Variants in SLK observed in about 807,000 individuals in gnomAD.
The protein encoded by SLK is STE20 like kinase.
In SLK, 67 loss-of-function variants were observed where a neutral mutation model predicts 147.7. The observed-to-expected ratio is 0.45, with a 90% CI of 0.37 to 0.56. The LOEUF (loss-of-function observed/expected upper bound fraction) is 0.56. Ranked by LOEUF, SLK falls within the 20% of genes least tolerant of loss-of-function variation. The pLI is 0.00. For missense variants in SLK, 1,136 were observed against 1,438.8 expected, an observed-to-expected ratio of 0.79 and a Z score of 3.41; for synonymous variants, 441 against 475.0, an observed-to-expected ratio of 0.93 and a Z score of 0.93.
In SLK at chr10:104,019,807, C is replaced by A; in HGVS notation, c.3206C>A (p.Ala1069Glu). The change falls in exon 16 of 19, where the codon GCA (alanine) becomes GAA (glutamate). Residue 1069 changes from alanine (A) to glutamate (E), a missense_variant. Ala to Glu is a moderately radical substitution (Grantham distance 107). Around this residue, in one of 6 missense-constraint regions of SLK, gnomAD observed 327 missense variants for 457.5 expected, o/e 0.71. Transcript: ENST00000369755. ...ELKNRQTQER[A>E]RLPKIQRSEA... ...AAAAACAGACAGACTCAAGAAAGAG[C>A]AAGACTGCCCAAGATTCAGCGCAGT... 1 of 1,613,858 alleles carries A rather than the reference C, an allele frequency of 6.2e-7. No homozygotes were observed. The highest frequency in any genetic ancestry group is 8.5e-7 in the Non-Finnish European group (1 of 1,179,752).
At chr10:104,005,808 C>T in intron 10 of SLK, 104 bp from the exon 11 acceptor site, 1 of 1,480,676 alleles carries the variant, frequency 6.8e-7, no homozygotes, top group Non-Finnish European at 9.2e-7. Flanking sequence ...TATTCTTTTA[C>T]TACCGTTCCA....
chr10:104,023,960 A>G (rs1389626458), intron 18 of SLK, among the ~76,000 whole-genome samples: 1 of 151,980 alleles, frequency 6.6e-6, no homozygotes, highest in African/African-American at 2.4e-5. Context: ...CTTTTCCTTC[A>G]TCTCCATCTC....
rs148478778 is a variant in SLK, at chr10:103,999,224, A to G, written c.693A>G (p.Ile231Met). ...TCACTTTAATAGAAATGGCTGAGAT[A>G]GAACCACCTCATCATGAATTAAATC... is the stretch of plus-strand genomic sequence containing the variant. ...LGITLIEMAEIEPPHHELNPM... is the reference protein window; with the variant it reads ...LGITLIEMAEMEPPHHELNPM... The change falls in exon 6 of 19, where the codon ATA becomes ATG. Residue 231 changes from isoleucine (I) to methionine (M), a missense_variant. Physicochemically the swap from Ile to Met is conservative, Grantham distance 10. This residue lies in a region of SLK where 141 missense variants were observed against 219.3 expected (regional missense o/e 0.64). Coordinates refer to ENST00000369755, the MANE Select transcript of SLK (RefSeq NM_014720.4). 1.4e-5 allele frequency: 23 copies of G among 1,613,746 alleles called. No homozygotes were observed. Among genetic ancestry groups the G allele is most frequent in the Non-Finnish European group, 1.9e-5 (23 of 1,179,806 alleles).
At chr10:103,985,263 A>T (rs181826594) in intron 1 of SLK, among the ~76,000 whole-genome samples, 19 of 152,210 alleles carry the variant, frequency 1.2e-4, no homozygotes, top group Non-Finnish European at 2.6e-4. Context: ...CTTGGGATGT[A>T]TTCCCTGGGG....
rs1455052101 is a variant in SLK, at chr10:104,025,779, C to T, written c.*59C>T. Reference sequence around the variant, plus strand: ...TTTCAGTATGTCATTCTGTTCTCATCTTCTGCCACAGTCTCTCAGATAGCT... The same window carrying T: ...TTTCAGTATGTCATTCTGTTCTCATTTTCTGCCACAGTCTCTCAGATAGCT... On this transcript the variant is annotated 3_prime_UTR_variant, in exon 19 of 19. Coordinates refer to ENST00000369755, the MANE Select transcript of SLK (RefSeq NM_014720.4). 3.4e-6 allele frequency: 5 copies of T among 1,458,026 alleles called. No homozygotes were observed. In the African/African-American group the frequency reaches 7.0e-5, roughly 20 times the overall value. 90.3% of individuals were successfully genotyped at this position (1,458,026 alleles called of 1,614,324 possible). A position where few individuals can be genotyped will look rare whatever the true frequency, so the allele number is the denominator to read the frequency against.
intron 1 of SLK, among the ~76,000 whole-genome samples, chr10:103,975,222 C>A (rs1843854033): frequency 6.6e-6 from 1 of 151,970 alleles, no homozygotes; most frequent in Non-Finnish European, 1.5e-5. Flanking sequence ...ATCCAACTGT[C>A]TATTAGAGAT....
intron 1 of SLK, among the ~76,000 whole-genome samples, chr10:103,979,044 C>G (rs764821884): frequency 2.0e-5 from 3 of 152,096 alleles, no homozygotes; most frequent in Non-Finnish European, 2.9e-5. Context: ...GAGACAGGGT[C>G]TCACTCTGTC....
intron 1 of SLK, among the ~76,000 whole-genome samples, chr10:103,983,892 C>T (rs1265111791): frequency 2.0e-5 from 3 of 152,264 alleles, no homozygotes; most frequent in Admixed American, 6.5e-5. Flanking sequence ...CTCAGAGGTC[C>T]GTCTGAGTTT....
chr10:103,992,222 A>C (rs1472443469), intron 2 of SLK, among the ~76,000 whole-genome samples: 1 of 148,700 alleles, frequency 6.7e-6, no homozygotes, highest in Non-Finnish European at 1.5e-5. Context: ...GTTTAAAAAA[A>C]CAAATGTATA....
At chr10:104,017,485 T>C (rs1844478513) in intron 13 of SLK, among the ~76,000 whole-genome samples, 1 of 152,164 alleles carries the variant, frequency 6.6e-6, no homozygotes, top group Non-Finnish European at 1.5e-5. Flanking sequence ...AGAGGGCCTT[T>C]CTTTTTTATT....
At position 104,027,751 on chromosome 10, in the gene SLK, T is replaced by C. The variant is rs911598911; in HGVS notation, c.*2031T>C. On this transcript the variant is annotated 3_prime_UTR_variant, in exon 19 of 19. Coordinates refer to ENST00000369755, the MANE Select transcript of SLK (RefSeq NM_014720.4). ...AATTGATACCCTGTGCGCTAAATAGTGTGTGGTGCCTGATTAATTTGGTCT... is the reference window on the plus strand; with the variant it reads ...AATTGATACCCTGTGCGCTAAATAGCGTGTGGTGCCTGATTAATTTGGTCT... 6.6e-6 allele frequency: 1 copy of C among 152,122 alleles called. No homozygotes were observed. Among genetic ancestry groups the C allele is most frequent in the African/African-American group, 2.4e-5 (1 of 41,408 alleles). 9.4% of individuals were successfully genotyped at this position (152,122 alleles called of 1,614,324 possible).
chr10:103,999,766 A>G (rs1056662899), intron 6 of SLK, 101 bp from the exon 7 acceptor site: 3 of 572,024 alleles, frequency 5.2e-6, no homozygotes, highest in Admixed American at 3.2e-5. Flanking sequence ...AATTAATACT[A>G]TTACATACAT....
Position 104,014,598 on chromosome 10 carries a change from C to T in SLK, c.2878-3562C>T, listed in dbSNP as rs549578268. Among the ~76,000 whole-genome samples, 15 of 152,210 alleles carry T rather than the reference C, an allele frequency of 9.9e-5. No individual in the cohort carries two copies. In the South Asian group the frequency reaches 1.5e-3, roughly 15 times the overall value. On this transcript the variant is annotated intron_variant, in intron 13 of 18. Coordinates refer to ENST00000369755, the MANE Select transcript of SLK (RefSeq NM_014720.4). The stretch of plus-strand genomic sequence containing the variant: ...AAGGAGAGGGAGAAATTATGAATTA[C>T]GATCACTTTTCTGATCATTACCATT...
At chr10:103,993,321 C>G (rs1442673526) in intron 4 of SLK, among the ~76,000 whole-genome samples, 188 bp downstream of exon 4, 1 of 151,968 alleles carries the variant, frequency 6.6e-6, no homozygotes, top group African/African-American at 2.4e-5. Context: ...ATATCAGCAC[C>G]TAATTGAATG....
In SLK at chr10:104,026,991, A is replaced by G. The variant is rs1844607186; in HGVS notation, c.*1271A>G. 6.6e-6 allele frequency: 1 copy of G among 152,230 alleles called. No homozygotes were observed. The highest frequency in any genetic ancestry group is 2.4e-5 in the African/African-American group (1 of 41,470). 9.4% of individuals were successfully genotyped at this position (152,230 alleles called of 1,614,324 possible). On this transcript the variant is annotated 3_prime_UTR_variant, in exon 19 of 19. Coordinates refer to ENST00000369755, the MANE Select transcript of SLK (RefSeq NM_014720.4). ...ACCACGTGTCAGGTCAGACAGTATTATAAACTGTACTTTGCTGTCTGAGAC... is the reference window on the plus strand; with the variant it reads ...ACCACGTGTCAGGTCAGACAGTATTGTAAACTGTACTTTGCTGTCTGAGAC...
chr10:103,970,503 T>G (rs1290042509), intron 1 of SLK, among the ~76,000 whole-genome samples: 1 of 152,224 alleles, frequency 6.6e-6, no homozygotes, highest in Non-Finnish European at 1.5e-5. Flanking sequence ...CTGGCACTAT[T>G]TTTTCTTTTT....
At chr10:103,989,509 C>T (rs2476945) in intron 1 of SLK, among the ~76,000 whole-genome samples, 32,907 of 142,850 alleles carry the variant, frequency 0.23, 4,392 homozygotes, top group African/African-American at 0.36. Context: ...TGCTCTGTCA[C>T]CCAGACTGGA....
At chr10:104,020,802 A>G (rs1844524341) in intron 17 of SLK, among the ~76,000 whole-genome samples, 189 bp downstream of exon 17, 1 of 152,180 alleles carries the variant, frequency 6.6e-6, no homozygotes, top group East Asian at 1.9e-4. Context: ...TAGATTATAT[A>G]TAACCATGAT....
At chr10:103,983,498 A>G (rs539294074) in intron 1 of SLK, among the ~76,000 whole-genome samples, 4 of 152,158 alleles carry the variant, frequency 2.6e-5, no homozygotes, top group Non-Finnish European at 4.4e-5. Flanking sequence ...ATGCTGGTTC[A>G]AAGACTGCAG....
Sources: gnomAD v4.1 joint callset for allele counts (sites outside exome capture counted in the v4.1 genomes callset) on GRCh38, gnomAD v4.1.1 for gene constraint, gnomAD v4.1.1 regional missense constraint, MANE v1.5 for transcripts, NCBI Gene and HGNC (gene_info 2026-07-23, HGNC 2026-07-21) for gene names.